The following ALPK2 variants were observed in gnomAD, a reference collection of about 807,000 sequenced individuals.
ALPK2 encodes the protein alpha-protein kinase 2.
ALPK2 carries 127 observed loss-of-function variants against 163.1 expected under a neutral mutation model. The observed-to-expected ratio is 0.78, with a 90% CI of 0.67 to 0.90. The LOEUF is 0.90. Ranked by LOEUF, ALPK2 falls within the 40% of genes least tolerant of loss-of-function variation. ALPK2 has a pLI of 0.00. For synonymous variants in ALPK2, 953 were observed against 959.1 expected (o/e 0.99, Z 0.12); for missense variants, 2,360 against 2,589.6 (o/e 0.91, Z 1.92).
At chr18:58,618,416 A>G (rs2052181237) in intron 1 of ALPK2, among the ~76,000 whole-genome samples, 1 of 152,156 alleles carries the variant, frequency 6.6e-6, no homozygotes, top group Non-Finnish European at 1.5e-5. Flanking sequence ...TGATGTGATG[A>G]TGTGGGGCGT....
Position 58,580,381 on chromosome 18 carries a change from TG to T in ALPK2, c.394del (p.His132MetfsTer116). 1 of 1,614,214 alleles carries T rather than the reference TG, an allele frequency of 6.2e-7. No homozygotes were observed. The highest frequency in any genetic ancestry group is 8.5e-7 in the Non-Finnish European group (1 of 1,180,034). ...AATCTGATTTGCCCTTTCTTCTTCA[TG>T]TGTCCCTGTTTCATGTTTCCAACCC... Reference protein sequence around the residue: ...DRGWKHETGTHEEERANQIDE... With the variant: ...DRGWKHETGTXEEERANQIDE... On this transcript the variant is annotated frameshift_variant, in exon 4 of 13. Coordinates refer to ENST00000361673, the MANE Select transcript of ALPK2 (RefSeq NM_052947.4). LOFTEE classifies it high-confidence loss of function.
At position 58,537,796 on chromosome 18, in the gene ALPK2, G is replaced by A; in HGVS notation, c.2391C>T (p.Asp797=). Residue 797 remains aspartate, a synonymous_variant, in exon 5 of 13, where the codon GAC becomes GAT. Coordinates refer to ENST00000361673, the MANE Select transcript of ALPK2 (RefSeq NM_052947.4). ...ACTCCATTGCACACACTGCTTCTCT[G>A]TCCCTTGGCTCATCACACACATTTT... The part of the protein sequence containing the change: ...TLENVCDEPR[D]REAVCAMECF... 1 of 1,614,130 alleles carries A rather than the reference G, an allele frequency of 6.2e-7. No individual in the cohort carries two copies. Among genetic ancestry groups the A allele is most frequent in the Non-Finnish European group, 8.5e-7 (1 of 1,180,024 alleles).
chr18:58,596,664 C>T (rs1291094126), intron 3 of ALPK2, among the ~76,000 whole-genome samples: 1 of 152,196 alleles, frequency 6.6e-6, no homozygotes, highest in Non-Finnish European at 1.5e-5. Flanking sequence ...AGCAACAGAG[C>T]CTCTGACCAC....
intron 1 of ALPK2, among the ~76,000 whole-genome samples, chr18:58,618,757 G>T (rs542742293): frequency 6.6e-6 from 1 of 152,312 alleles, no homozygotes; most frequent in East Asian, 1.9e-4. Flanking sequence ...GTTTTATTTT[G>T]ACTAATCTGC....
At chr18:58,569,152 G>C (rs906556591) in intron 4 of ALPK2, among the ~76,000 whole-genome samples, 1 of 152,186 alleles carries the variant, frequency 6.6e-6, no homozygotes. Context: ...GCTGTAGTAA[G>C]CAGTAACCAG....
chr18:58,586,841 C>A (rs553927638), intron 3 of ALPK2, among the ~76,000 whole-genome samples: 2 of 151,568 alleles, frequency 1.3e-5, no homozygotes, highest in African/African-American at 2.4e-5. Flanking sequence ...AATAGGGTAA[C>A]CAAAAAGCTT....
At chr18:58,486,329 G>T (rs1439938952) in intron 12 of ALPK2, among the ~76,000 whole-genome samples, 2 of 152,122 alleles carry the variant, frequency 1.3e-5, no homozygotes, top group African/African-American at 4.8e-5. Flanking sequence ...TCGAGCCCCA[G>T]CTCCAGTGGG....
chr18:58,579,086 G>A lies in ALPK2; in HGVS notation c.1690C>T (p.Leu564Phe). 3.7e-6 allele frequency: 6 copies of A among 1,614,254 alleles called. No homozygotes were observed. Among genetic ancestry groups the A allele is most frequent in the Non-Finnish European group, 5.1e-6 (6 of 1,180,046 alleles). The stretch of plus-strand genomic sequence containing the variant: ...TCAGCAGATTCTTTGGCAGAGCAGA[G>A]ATGAAGGGTACCTTCTGTTGTACTT... ...RESTTEGTLH[L>F]CSAKESAEPP... The change falls in exon 4 of 13, where the codon CTC (leucine) becomes TTC (phenylalanine). Residue 564 changes from leucine to phenylalanine, a missense_variant. Physicochemically the swap from Leu to Phe is conservative, Grantham distance 22. Coordinates refer to ENST00000361673, the MANE Select transcript of ALPK2 (RefSeq NM_052947.4).
At chr18:58,577,088 A>G (rs1297411325) in intron 4 of ALPK2, among the ~76,000 whole-genome samples, 2 of 152,226 alleles carry the variant, frequency 1.3e-5, no homozygotes, top group African/African-American at 2.4e-5. Flanking sequence ...GACCTTCCAT[A>G]GAGTACATGA....
chr18:58,578,736 A>ACACGCACGCGCGCG, intron 4 of ALPK2, 78 bp downstream of exon 4: 1 of 760,698 alleles, frequency 1.3e-6, no homozygotes, highest in Non-Finnish European at 2.0e-6. Flanking sequence ...AGGAAGAGAC[A>ACACGCACGCGCGCG]CACACACACA....
At chr18:58,602,824 C>T (rs1017690386) in intron 3 of ALPK2, among the ~76,000 whole-genome samples, 6 of 152,038 alleles carry the variant, frequency 3.9e-5, no homozygotes, top group African/African-American at 9.7e-5. Flanking sequence ...AAGAAGTAGC[C>T]GAAGCCCACG....
chr18:58,519,977 A>T (rs1171264263), intron 8 of ALPK2, among the ~76,000 whole-genome samples: 2 of 152,176 alleles, frequency 1.3e-5, no homozygotes, highest in Non-Finnish European at 2.9e-5. Context: ...AGAACTGAGC[A>T]CCTGAGGGGA....
At chr18:58,543,534 AC>A in intron 4 of ALPK2, 1 of 297,874 alleles carries the variant, frequency 3.4e-6, no homozygotes, top group Non-Finnish European at 5.0e-6. Context: ...GTTGCAGATG[AC>A]CACGTTCTGG....
At chr18:58,574,328 A>G (rs2051907649) in intron 4 of ALPK2, among the ~76,000 whole-genome samples, 1 of 151,070 alleles carries the variant, frequency 6.6e-6, no homozygotes, top group Admixed American at 6.6e-5. Flanking sequence ...GCGCACCTGT[A>G]ATCCCAGCTA....
chr18:58,543,453 G>T, intron 4 of ALPK2: 1 of 943,364 alleles, frequency 1.1e-6, no homozygotes, highest in Non-Finnish European at 1.3e-6. Context: ...TAAGAGCTGG[G>T]GGCCATGCGG....
rs1023569745 is a variant in ALPK2 at position 58,626,904 on chromosome 18, C to T, written c.-21+1860G>A. Reference sequence around the variant, plus strand: ...TTAGCAAAAAAAAAAAAGACAGAAGCTTTTAATTAAGGTGAAAAACTAACT... The same window carrying T: ...TTAGCAAAAAAAAAAAAGACAGAAGTTTTTAATTAAGGTGAAAAACTAACT... On this transcript the variant is annotated intron_variant, in intron 1 of 12. Transcript: ENST00000361673. Among the ~76,000 whole-genome samples the T allele has an allele frequency of 3.3e-5, 5 of 151,086 alleles. No homozygotes were observed. In the South Asian group the frequency reaches 8.3e-4, roughly 25 times the overall value.
rs1602202336 is a variant in ALPK2, at chr18:58,528,747, G to A, written c.5501+344C>T. 2.0e-5 allele frequency: 5 copies of A among 256,054 alleles called. No homozygotes were observed. In the East Asian group the frequency reaches 5.7e-4, roughly 29 times the overall value. The allele number at this position is 256,054 out of a possible 1,614,324, so 15.9% of individuals were successfully genotyped here. On this transcript the variant is annotated intron_variant, in intron 6 of 12. Transcript: ENST00000361673. Reference sequence around the variant, plus strand: ...AAAACACACCCAAGTTAAATTCACAGACATACAGATGAGAGCTCTTTAATC... The same window carrying A: ...AAAACACACCCAAGTTAAATTCACAAACATACAGATGAGAGCTCTTTAATC...
intron 3 of ALPK2, among the ~76,000 whole-genome samples, chr18:58,598,418 A>G (rs1451658430): frequency 6.6e-6 from 1 of 152,196 alleles, no homozygotes; most frequent in African/African-American, 2.4e-5. Flanking sequence ...CGTGAGGTCC[A>G]AGTCACACAG....
chr18:58,513,274 A>G (rs1206835062), intron 10 of ALPK2, among the ~76,000 whole-genome samples: 2 of 151,142 alleles, frequency 1.3e-5, no homozygotes, highest in Non-Finnish European at 1.5e-5. Flanking sequence ...GGGGGTGTGT[A>G]TGTGTGTTTT....
Sources: gnomAD v4.1 joint callset for allele counts (sites outside exome capture counted in the v4.1 genomes callset) on GRCh38, gnomAD v4.1.1 for gene constraint, MANE v1.5 for transcripts, NCBI Gene and HGNC (gene_info 2026-07-23, HGNC 2026-07-21) for gene names.